The following LRFN5 variants were observed in gnomAD, a reference collection of about 807,000 sequenced individuals.
LRFN5 encodes the protein leucine-rich repeat and fibronectin type-III domain-containing protein 5.
In LRFN5, 24 loss-of-function variants were observed where a neutral mutation model predicts 45.6. That is an observed-to-expected ratio of 0.53 (90% CI 0.38 to 0.74). The LOEUF is 0.74. Among genes scored for constraint, LRFN5 ranks in the 30% least tolerant of loss-of-function variants. LRFN5 has a pLI of 0.00. For synonymous variants in LRFN5, 340 were observed against 313.8 expected, an observed-to-expected ratio of 1.08 and a Z score of -0.88; for missense variants, 776 against 861.5, an observed-to-expected ratio of 0.90 and a Z score of 1.24.
intron 1 of LRFN5, among the ~76,000 whole-genome samples, chr14:41,670,671 AT>A (rs1881165996): frequency 6.6e-6 from 1 of 151,982 alleles, no homozygotes; most frequent in African/African-American, 2.4e-5. Flanking sequence ...GAGTTATAAA[AT>A]CGTAATTCCT....
chr14:41,778,004 T>A (rs1886350678), intron 2 of LRFN5, among the ~76,000 whole-genome samples: 1 of 110,806 alleles, frequency 9.0e-6, no homozygotes, highest in South Asian at 3.4e-4. Context: ...GGATCCTTTT[T>A]TTTTGGTGGG....
At chr14:41,781,607 AGAAAGAAAGAGAAAGAAAGAAAGAAAG>A (rs1566437263) in intron 2 of LRFN5, among the ~76,000 whole-genome samples, 2 of 94,674 alleles carry the variant, frequency 2.1e-5, no homozygotes, top group African/African-American at 5.2e-5. Flanking sequence ...AAAGAAAGAA[AGAAAGAAAGAGAAAGAAAGAAAGAAAG>A]GAAAGAAAGA....
intron 1 of LRFN5, among the ~76,000 whole-genome samples, chr14:41,709,335 A>G (rs1261472603): frequency 1.3e-5 from 2 of 152,004 alleles, no homozygotes; most frequent in Admixed American, 6.6e-5. Context: ...TTCCTTGCTT[A>G]TATGGCAAAA....
At chr14:41,844,166 A>T (rs144084347) in intron 2 of LRFN5, among the ~76,000 whole-genome samples, 1 of 152,182 alleles carries the variant, frequency 6.6e-6, no homozygotes, top group African/African-American at 2.4e-5. Flanking sequence ...GGCCGGGTGC[A>T]GTGGCTCACG....
At chr14:41,757,653 G>A (rs1158157303) in intron 1 of LRFN5, among the ~76,000 whole-genome samples, 1 of 152,164 alleles carries the variant, frequency 6.6e-6, no homozygotes, top group Non-Finnish European at 1.5e-5. Context: ...GGTGCCATCT[G>A]TCACCCCTTT....
chr14:41,823,257 T>TA (rs965533818), intron 2 of LRFN5, among the ~76,000 whole-genome samples: 10 of 151,644 alleles, frequency 6.6e-5, no homozygotes, highest in Non-Finnish European at 1.5e-4. Flanking sequence ...CATTTTTTTT[T>TA]ATGACAGTGA....
chr14:41,733,063 AC>A (rs1360092791), intron 1 of LRFN5, among the ~76,000 whole-genome samples: 3 of 151,828 alleles, frequency 2.0e-5, no homozygotes, highest in Non-Finnish European at 4.4e-5. Context: ...AAAAAAAAAA[AC>A]AGATTGAACA....
intron 1 of LRFN5, among the ~76,000 whole-genome samples, chr14:41,748,153 A>G (rs1301759741): frequency 6.6e-6 from 1 of 152,104 alleles, no homozygotes; most frequent in Non-Finnish European, 1.5e-5. Flanking sequence ...ACTGTGATTC[A>G]GTAATTCCAC....
intron 2 of LRFN5, among the ~76,000 whole-genome samples, chr14:41,786,648 T>A (rs1262293914): frequency 6.6e-6 from 1 of 151,594 alleles, no homozygotes; most frequent in Non-Finnish European, 1.5e-5. Context: ...AGGTTGTGAT[T>A]TTTTTTTAAT....
chr14:41,820,563 C>G (rs1315056338), intron 2 of LRFN5, among the ~76,000 whole-genome samples: 1 of 152,062 alleles, frequency 6.6e-6, no homozygotes, highest in African/African-American at 2.4e-5. Context: ...CAGCTTTGCT[C>G]TTTTTGCTTA....
At chr14:41,835,186 T>A (rs1888619271) in intron 2 of LRFN5, among the ~76,000 whole-genome samples, 2 of 152,282 alleles carry the variant, frequency 1.3e-5, no homozygotes, top group Middle Eastern at 3.4e-3. Context: ...TCAAATGTCC[T>A]GCTTAGAAAA....
intron 2 of LRFN5, among the ~76,000 whole-genome samples, chr14:41,837,312 G>T (rs1047052990): frequency 6.6e-6 from 1 of 151,690 alleles, no homozygotes; most frequent in Non-Finnish European, 1.5e-5. Context: ...AGACAAATCG[G>T]CATTTGTTTT....
At chr14:41,812,285 G>A (rs1203271356) in intron 2 of LRFN5, among the ~76,000 whole-genome samples, 1 of 151,556 alleles carries the variant, frequency 6.6e-6, no homozygotes, top group Non-Finnish European at 1.5e-5. Context: ...TACAGAATTT[G>A]GATTTATTAT....
rs143612543 is a variant in LRFN5, at chr14:41,801,271, G to A, written c.-21+34242G>A. On this transcript the variant is annotated intron_variant, in intron 2 of 5. Transcript: ENST00000298119. Reference sequence around the variant, plus strand: ...ATCCTCCCTTAAAAACTGTTATGAGGATTAAGTATATGTATGTTTGTAAAG... The same window carrying A: ...ATCCTCCCTTAAAAACTGTTATGAGAATTAAGTATATGTATGTTTGTAAAG... Among the ~76,000 whole-genome samples, 1,182 of 152,096 alleles carry A rather than the reference G, an allele frequency of 7.8e-3. 9 individuals carry two copies. The highest frequency in any genetic ancestry group is 0.011 in the Non-Finnish European group (738 of 67,974).
intron 2 of LRFN5, among the ~76,000 whole-genome samples, chr14:41,845,489 A>T (rs1889030099): frequency 6.6e-6 from 1 of 152,034 alleles, no homozygotes; most frequent in Non-Finnish European, 1.5e-5. Context: ...TTTTCATCCT[A>T]TGTGAAGTTT....
intron 2 of LRFN5, among the ~76,000 whole-genome samples, chr14:41,830,032 A>T (rs1224368871): frequency 6.6e-6 from 1 of 151,278 alleles, no homozygotes; most frequent in Non-Finnish European, 1.5e-5. Flanking sequence ...CTTAATACAT[A>T]ATTAACTTTT....
At chr14:41,666,977 T>C (rs1345510065) in intron 1 of LRFN5, among the ~76,000 whole-genome samples, 6 of 152,162 alleles carry the variant, frequency 3.9e-5, no homozygotes, top group African/African-American at 1.4e-4. Context: ...TAGAGTTTTG[T>C]AGGATTTTTA....
At chr14:41,880,026 C>T (rs997461182) in intron 2 of LRFN5, among the ~76,000 whole-genome samples, 1 of 147,526 alleles carries the variant, frequency 6.8e-6, no homozygotes, top group Non-Finnish European at 1.5e-5. Context: ...CTCCTGGGTT[C>T]GCGTCAGTCT....
intron 1 of LRFN5, among the ~76,000 whole-genome samples, chr14:41,752,156 G>A (rs192129006): frequency 2.0e-5 from 3 of 152,076 alleles, no homozygotes; most frequent in Non-Finnish European, 4.4e-5. Context: ...TCTTAATCCA[G>A]TCTATCATTT....
Sources: gnomAD v4.1 joint callset for allele counts (sites outside exome capture counted in the v4.1 genomes callset) on GRCh38, gnomAD v4.1.1 for gene constraint, MANE v1.5 for transcripts, NCBI Gene and HGNC (gene_info 2026-07-23, HGNC 2026-07-21) for gene names.